THEMIS: variants seen among roughly 807,000 people sequenced by gnomAD.
THEMIS encodes the protein thymocyte selection associated, also known as protein THEMIS.
THEMIS carries 37 observed loss-of-function variants against 52.6 expected under a neutral mutation model. That is an observed-to-expected ratio of 0.70 (90% CI 0.54 to 0.93). THEMIS has a LOEUF of 0.93. Among genes scored for constraint, THEMIS ranks in the 40% least tolerant of loss-of-function variants. The pLI is 0.00. For missense variants in THEMIS, 808 were observed against 763.1 expected, an observed-to-expected ratio of 1.06 and a Z score of -0.69; for synonymous variants, 292 against 272.7, an observed-to-expected ratio of 1.07 and a Z score of -0.70.
chr6:127,867,981 GT>G (rs1351688507), intron 1 of THEMIS, among the ~76,000 whole-genome samples: 2 of 151,822 alleles, frequency 1.3e-5, no homozygotes, highest in African/African-American at 2.4e-5. Context: ...CATTTAACTA[GT>G]TAAAAGTCAC....
chr6:127,832,050 T>A (rs1230717366), intron 2 of THEMIS, among the ~76,000 whole-genome samples: 1 of 152,178 alleles, frequency 6.6e-6, no homozygotes, highest in Non-Finnish European at 1.5e-5. Flanking sequence ...AAAAAATGCG[T>A]ACCTAAAATC....
At chr6:127,832,201 T>G (rs1337092084) in intron 2 of THEMIS, among the ~76,000 whole-genome samples, 1 of 151,936 alleles carries the variant, frequency 6.6e-6, no homozygotes, top group Non-Finnish European at 1.5e-5. Flanking sequence ...TATTATGAAG[T>G]AGGAAAAGGC....
chr6:127,879,825 A>G (rs902968076), intron 1 of THEMIS, among the ~76,000 whole-genome samples: 2 of 152,018 alleles, frequency 1.3e-5, no homozygotes, highest in African/African-American at 4.8e-5. Flanking sequence ...CTGGTCTTCA[A>G]CTATTTACAA....
intron 4 of THEMIS, among the ~76,000 whole-genome samples, chr6:127,730,167 T>C (rs1246822664): frequency 6.6e-6 from 1 of 151,822 alleles, no homozygotes; most frequent in Non-Finnish European, 1.5e-5. Context: ...CTCAGGAAGC[T>C]GAGGCTGGAG....
chr6:127,799,553 A>ATCTATCTTTCTT (rs1554226645), intron 4 of THEMIS, among the ~76,000 whole-genome samples: 1 of 144,498 alleles, frequency 6.9e-6, no homozygotes, highest in Non-Finnish European at 1.5e-5. Context: ...CTTTCTTTCT[A>ATCTATCTTTCTT]TCTTTCTTTC....
intron 2 of THEMIS, 61 bp downstream of exon 2, chr6:127,854,967 GTA>G: frequency 7.0e-7 from 1 of 1,432,696 alleles, no homozygotes; most frequent in Non-Finnish European, 9.3e-7. Flanking sequence ...TTTTGGTTGT[GTA>G]TATATACATA....
intron 4 of THEMIS, among the ~76,000 whole-genome samples, chr6:127,734,572 G>A (rs938722621): frequency 7.9e-5 from 12 of 151,824 alleles, no homozygotes; most frequent in African/African-American, 2.9e-4. Flanking sequence ...AAGACGTGAG[G>A]GTGCATAAAA....
At chr6:127,736,714 T>A (rs1775018268) in intron 4 of THEMIS, among the ~76,000 whole-genome samples, 1 of 152,074 alleles carries the variant, frequency 6.6e-6, no homozygotes, top group African/African-American at 2.4e-5. Context: ...CTTTCATTAT[T>A]TGCCATTTAA....
chr6:127,735,875 T>C (rs1410640011), intron 4 of THEMIS, among the ~76,000 whole-genome samples: 2 of 152,238 alleles, frequency 1.3e-5, no homozygotes, highest in African/African-American at 4.8e-5. Context: ...GGAAATCAGC[T>C]AGTATATGCT....
At chr6:127,850,293 G>T (rs1779376516) in intron 2 of THEMIS, among the ~76,000 whole-genome samples, 1 of 151,962 alleles carries the variant, frequency 6.6e-6, no homozygotes, top group Non-Finnish European at 1.5e-5. Flanking sequence ...TAGACTGCTG[G>T]TGAGAATATA....
rs979389166 is a variant in THEMIS at position 127,857,070 on chromosome 6, T to C, written c.92-1882A>G. 2.9e-5 allele frequency among the ~76,000 whole-genome samples: 3 copies of C among 102,574 alleles called. No homozygotes were observed. The Admixed American group carries it at 3.6e-4, about 12-fold the overall frequency. 67.3% of individuals were successfully genotyped at this position (102,574 alleles called of 152,430 possible). On this transcript the variant is annotated intron_variant, in intron 1 of 5. Coordinates refer to ENST00000368248, the MANE Select transcript of THEMIS (RefSeq NM_001010923.3). Reference sequence around the variant, plus strand: ...CCCTGTTCATTCATTCAGCAAACTTTGATTAAAAAAAAAAACCTACTATGT... The same window carrying C: ...CCCTGTTCATTCATTCAGCAAACTTCGATTAAAAAAAAAAACCTACTATGT...
At chr6:127,895,381 G>A (rs1185888072) in intron 1 of THEMIS, among the ~76,000 whole-genome samples, 3 of 151,458 alleles carry the variant, frequency 2.0e-5, no homozygotes, top group African/African-American at 7.2e-5. Context: ...TGACATTAAT[G>A]TCTATTTAAG....
intron 4 of THEMIS, among the ~76,000 whole-genome samples, chr6:127,748,090 T>C (rs1469743600): frequency 6.6e-6 from 1 of 152,134 alleles, no homozygotes; most frequent in Non-Finnish European, 1.5e-5. Context: ...GCAATGATGC[T>C]GAAGTGGAGC....
chr6:127,725,601 AT>A (rs1305909619), intron 4 of THEMIS, among the ~76,000 whole-genome samples: 1 of 152,114 alleles, frequency 6.6e-6, no homozygotes, highest in Non-Finnish European at 1.5e-5. Context: ...AGAGGCAAAT[AT>A]TTTTTTAAAA....
chr6:127,813,225 C>T lies in THEMIS; in HGVS notation c.1416G>A (p.Val472=). Residue 472 remains valine, a synonymous_variant, in exon 4 of 6, where the codon GTG becomes GTA. Transcript: ENST00000368248. ...ACTGCAGTCCTGGTGTGGCAGCCAA[C>T]ACGTCCTCTTCAATGGAAAGATCCC... ...SVRDLSIEED[V]LAATPGLQLE... 1 of 1,614,058 alleles carries T rather than the reference C, an allele frequency of 6.2e-7. No individual in the cohort carries two copies. Among genetic ancestry groups the T allele is most frequent in the Non-Finnish European group, 8.5e-7 (1 of 1,180,000 alleles).
intron 1 of THEMIS, among the ~76,000 whole-genome samples, chr6:127,862,440 T>G (rs1779838188): frequency 7.3e-6 from 1 of 136,738 alleles, no homozygotes. Context: ...TTTTTTTTTT[T>G]TTTTTTTTTT....
intron 4 of THEMIS, among the ~76,000 whole-genome samples, chr6:127,808,801 A>T (rs1777804374): frequency 1.3e-5 from 2 of 152,186 alleles, no homozygotes; most frequent in African/African-American, 2.4e-5. Context: ...GCTGGAGAAC[A>T]GTTGCCAATC....
At chr6:127,721,903 T>C (rs947692313) in intron 4 of THEMIS, among the ~76,000 whole-genome samples, 4 of 152,020 alleles carry the variant, frequency 2.6e-5, no homozygotes, top group Admixed American at 6.6e-5. Context: ...ATTGAAAATA[T>C]TAAAACATTG....
intron 2 of THEMIS, among the ~76,000 whole-genome samples, chr6:127,842,896 C>T (rs1029901071): frequency 2.0e-5 from 3 of 151,826 alleles, no homozygotes; most frequent in African/African-American, 7.3e-5. Context: ...GTTTATCCTG[C>T]CTGCTGTGCA....
Sources: gnomAD v4.1 joint callset for allele counts (sites outside exome capture counted in the v4.1 genomes callset) on GRCh38, gnomAD v4.1.1 for gene constraint, MANE v1.5 for transcripts, NCBI Gene and HGNC (gene_info 2026-07-23, HGNC 2026-07-21) for gene names.